The following EXOC2 variants were observed in gnomAD, a reference collection of about 807,000 sequenced individuals.
EXOC2 encodes SEC5-like 1.
EXOC2 carries 70 observed loss-of-function variants against 131.8 expected under a neutral mutation model. The observed-to-expected ratio is 0.53, with a 90% CI of 0.44 to 0.65. The LOEUF is 0.65. Ranked by LOEUF, EXOC2 falls within the 30% of genes least tolerant of loss-of-function variation. The pLI, the probability that EXOC2 is intolerant of heterozygous loss-of-function variation, is 0.00. For synonymous variants in EXOC2, 411 were observed against 398.4 expected, an observed-to-expected ratio of 1.03 and a Z score of -0.38; for missense variants, 923 against 1,108.6, an observed-to-expected ratio of 0.83 and a Z score of 2.38.
intron 1 of EXOC2, among the ~76,000 whole-genome samples, chr6:659,042 G>A (rs1431305364): frequency 1.3e-5 from 2 of 152,106 alleles, no homozygotes; most frequent in Admixed American, 1.3e-4. Flanking sequence ...ATTCAGTTCT[G>A]TTCTTAGGGA....
chr6:575,700 T>C (rs957840362), intron 12 of EXOC2, among the ~76,000 whole-genome samples: 4 of 152,250 alleles, frequency 2.6e-5, no homozygotes, highest in African/African-American at 4.8e-5. Context: ...TGTTCCTTTA[T>C]AGCAACACAA....
chr6:665,559 G>T (rs557549319), intron 1 of EXOC2, among the ~76,000 whole-genome samples: 8 of 152,292 alleles, frequency 5.3e-5, no homozygotes, highest in African/African-American at 1.9e-4. Flanking sequence ...AGCTGATAAA[G>T]AAACTGTGGT....
chr6:590,418 C>G (rs945817153), intron 11 of EXOC2, among the ~76,000 whole-genome samples: 90 of 152,218 alleles, frequency 5.9e-4, no homozygotes, highest in African/African-American at 2.1e-3. Context: ...TACTCAAATC[C>G]AAGCCAACTA....
intron 1 of EXOC2, among the ~76,000 whole-genome samples, chr6:648,716 CTTTTTTTTTTT>C (rs60202015): frequency 1.1e-5 from 1 of 88,560 alleles, no homozygotes; most frequent in Admixed American, 1.3e-4. Flanking sequence ...TTTAAAAACT[CTTTTTTTTTTT>C]TTTTTTTTTT....
chr6:496,875 G>T (rs912192327), intron 25 of EXOC2, among the ~76,000 whole-genome samples: 36 of 152,300 alleles, frequency 2.4e-4, no homozygotes, highest in Non-Finnish European at 4.3e-4. Flanking sequence ...AGGCAGAAGT[G>T]CACGCTTCCA....
chr6:648,798 T>G (rs550388992), intron 1 of EXOC2, among the ~76,000 whole-genome samples: 1 of 145,794 alleles, frequency 6.9e-6, no homozygotes, highest in Admixed American at 7.1e-5. Flanking sequence ...CACGGCTCAC[T>G]GCAGCCTCGA....
At chr6:574,365 C>T (rs1758463901) in intron 12 of EXOC2, among the ~76,000 whole-genome samples, 1 of 152,176 alleles carries the variant, frequency 6.6e-6, no homozygotes, top group Non-Finnish European at 1.5e-5. Context: ...GTGGCCTCAT[C>T]AATGAACAAA....
At chr6:495,999 T>C (rs1561778658) in intron 25 of EXOC2, among the ~76,000 whole-genome samples, 1 of 152,220 alleles carries the variant, frequency 6.6e-6, no homozygotes, top group Non-Finnish European at 1.5e-5. Flanking sequence ...ATCTAGTAGA[T>C]TTTTAAAAAT....
At chr6:570,947 G>A (rs1479039448) in intron 13 of EXOC2, among the ~76,000 whole-genome samples, 5 of 152,170 alleles carry the variant, frequency 3.3e-5, no homozygotes, top group Non-Finnish European at 7.3e-5. Context: ...AGGGCAAGGG[G>A]GACCCAAGGC....
intron 11 of EXOC2, among the ~76,000 whole-genome samples, chr6:584,918 AAAC>A (rs1203886120): frequency 6.6e-6 from 1 of 152,222 alleles, no homozygotes; most frequent in African/African-American, 2.4e-5. Context: ...ACAAAGAAAA[AAAC>A]ACCTTTGAAG....
chr6:533,070 A>T (rs1236313285), intron 22 of EXOC2, among the ~76,000 whole-genome samples: 1 of 152,154 alleles, frequency 6.6e-6, no homozygotes, highest in East Asian at 1.9e-4. Flanking sequence ...ATTAGATCCC[A>T]TTAGAACTTA....
chr6:654,804 A>AAAAAAC (rs1762992814), intron 1 of EXOC2, among the ~76,000 whole-genome samples: 1 of 53,924 alleles, frequency 1.9e-5, no homozygotes, highest in Non-Finnish European at 3.4e-5. Flanking sequence ...ACCCTGTCTC[A>AAAAAAC]AAAAAAAAAA....
chr6:653,062 T>C (rs1047036696), intron 1 of EXOC2, among the ~76,000 whole-genome samples: 2 of 152,236 alleles, frequency 1.3e-5, no homozygotes, highest in Admixed American at 6.5e-5. Flanking sequence ...CCACAAACCA[T>C]GCTCATATGA....
At chr6:598,427 A>G (rs574892996) in intron 9 of EXOC2, among the ~76,000 whole-genome samples, 5 of 152,330 alleles carry the variant, frequency 3.3e-5, no homozygotes, top group Admixed American at 2.6e-4. Flanking sequence ...AGGCCCTGTG[A>G]TATTTCTCCT....
At chr6:574,811 A>G (rs1758488145) in intron 12 of EXOC2, among the ~76,000 whole-genome samples, 1 of 152,236 alleles carries the variant, frequency 6.6e-6, no homozygotes, top group Non-Finnish European at 1.5e-5. Flanking sequence ...CCAATTGAAT[A>G]CACCATGATG....
chr6:631,204 G>A (rs1041703610), intron 3 of EXOC2, among the ~76,000 whole-genome samples: 3 of 152,234 alleles, frequency 2.0e-5, no homozygotes, highest in African/African-American at 7.2e-5. Flanking sequence ...GCATGCAACA[G>A]GGGCTTCTGC....
At chr6:665,941 A>G (rs995634981) in intron 1 of EXOC2, among the ~76,000 whole-genome samples, 41 of 151,594 alleles carry the variant, frequency 2.7e-4, no homozygotes, top group African/African-American at 9.7e-4. Context: ...ATAAAAATAA[A>G]AATAAGAGTC....
intron 10 of EXOC2, among the ~76,000 whole-genome samples, chr6:593,709 T>C (rs1205399220): frequency 6.6e-6 from 1 of 152,236 alleles, no homozygotes; most frequent in Admixed American, 6.5e-5. Flanking sequence ...TGCCATTCTT[T>C]GTCTCTGGGT....
chr6:574,623 G>A (rs1234958434), intron 12 of EXOC2, among the ~76,000 whole-genome samples: 1 of 152,152 alleles, frequency 6.6e-6, no homozygotes, highest in Non-Finnish European at 1.5e-5. Flanking sequence ...AGGTGTGAAA[G>A]GAACGGTTCT....
Sources: allele counts gnomAD v4.1 joint callset (sites outside exome capture counted in the v4.1 genomes callset), GRCh38; gene constraint gnomAD v4.1.1; transcripts MANE v1.5; gene names NCBI Gene and HGNC (gene_info 2026-07-23, HGNC 2026-07-21).